The following SYT11 variants were observed in gnomAD, a reference collection of about 807,000 sequenced individuals.
The protein encoded by SYT11 is synaptotagmin 11.
SYT11 carries 12 observed loss-of-function variants against 30.4 expected under a neutral mutation model. The ratio of observed to expected loss-of-function variants is 0.39; its 90% CI spans 0.25 to 0.64. The LOEUF (loss-of-function observed/expected upper bound fraction) is 0.64. Ranked by LOEUF, SYT11 falls within the 30% of genes least tolerant of loss-of-function variation. SYT11 has a pLI of 0.45. For synonymous variants in SYT11, 204 were observed against 216.0 expected (o/e 0.94, Z 0.49); for missense variants, 412 against 552.0 (o/e 0.75, Z 2.54).
rs144956700 is a variant in SYT11 at position 155,880,481 on chromosome 1, T to G, written c.862-19T>G. On this transcript the variant is annotated intron_variant, in intron 2 of 3. Coordinates refer to ENST00000368324, the MANE Select transcript of SYT11 (RefSeq NM_152280.5). ...TGCACCCTCTGCCAGGATTCTCACC[T>G]GCCATTTTTTCCTCACAGAAGTGCA... is the stretch of plus-strand genomic sequence containing the variant. 4.6e-4 allele frequency: 739 copies of G among 1,613,030 alleles called. 2 individuals carry two copies. In the African/African-American group the frequency reaches 8.5e-3, roughly 19 times the overall value.
At chr1:155,863,942 A>G (rs1437657996) in intron 1 of SYT11, among the ~76,000 whole-genome samples, 2 of 152,060 alleles carry the variant, frequency 1.3e-5, no homozygotes, top group Non-Finnish European at 2.9e-5. Context: ...TTAACCAGGC[A>G]TGATGGCACA....
chr1:155,881,373 C>G lies in SYT11; in HGVS notation c.1161C>G (p.Thr387=), dbSNP rs377030238. 3.8e-5 allele frequency: 62 copies of G among 1,614,052 alleles called. No homozygotes were observed. In the Middle Eastern group the frequency reaches 8.2e-4, roughly 21 times the overall value. Residue 387 remains threonine (T), a synonymous_variant, in exon 4 of 4, where the codon ACC becomes ACG. Coordinates refer to ENST00000368324, the MANE Select transcript of SYT11 (RefSeq NM_152280.5). Reference sequence around the variant, plus strand: ...TCCTCGTTATCGACTTCGATCGCACCACCAAGAATGAGGTGGTGGGGAGGC... The same window carrying G: ...TCCTCGTTATCGACTTCGATCGCACGACCAAGAATGAGGTGGTGGGGAGGC... ...IEFLVIDFDR[T]TKNEVVGRLI...
rs570055725 is a variant in SYT11 at position 155,872,963 on chromosome 1, C to G, written c.861+4172C>G. ...AGGGAGAAAAAAATGAAAAGGGTAA[C>G]CAGAAGTTGTCAACTTTCCCAAAAA... is the stretch of plus-strand genomic sequence containing the variant. On this transcript the variant is annotated intron_variant, in intron 2 of 3. Coordinates refer to ENST00000368324, the MANE Select transcript of SYT11 (RefSeq NM_152280.5). Among the ~76,000 whole-genome samples the G allele has an allele frequency of 3.0e-4, 45 of 152,052 alleles. No homozygotes were observed. The Middle Eastern group carries it at 0.01, about 34-fold the overall frequency.
At chr1:155,863,508 T>C (rs924337163) in intron 1 of SYT11, among the ~76,000 whole-genome samples, 4 of 151,958 alleles carry the variant, frequency 2.6e-5, no homozygotes, top group Admixed American at 2.6e-4. Context: ...TCTTCCTTGG[T>C]TAGGCATGGT....
At position 155,881,353 on chromosome 1, in the gene SYT11, G is replaced by C. The variant is rs749783469; in HGVS notation, c.1141G>C (p.Val381Leu). The change falls in exon 4 of 4, where the codon GTT becomes CTT. Residue 381 changes from valine (V) to leucine (L), a missense_variant. Transcript: ENST00000368324. ...GCCTGATATCAGCATCGAGTTCCTC[G>C]TTATCGACTTCGATCGCACCACCAA... Reference protein sequence around the residue: ...LLPDISIEFLVIDFDRTTKNE... With the variant: ...LLPDISIEFLLIDFDRTTKNE... 8.1e-6 allele frequency: 13 copies of C among 1,614,022 alleles called. No homozygotes were observed. Among genetic ancestry groups the C allele is most frequent in the Non-Finnish European group, 1.0e-5 (12 of 1,180,036 alleles).
At chr1:155,878,012 G>A (rs183990648) in intron 2 of SYT11, among the ~76,000 whole-genome samples, 63 of 152,154 alleles carry the variant, frequency 4.1e-4, no homozygotes, top group African/African-American at 1.4e-3. Context: ...GGAGGCCAAG[G>A]TGGGCGGATT....
At chr1:155,867,912 A>G in intron 1 of SYT11, 53 bp from the exon 2 acceptor site, 3 of 1,374,616 alleles carry the variant, frequency 2.2e-6, no homozygotes, top group Non-Finnish European at 2.0e-6. Context: ...GGGGAGATCT[A>G]GACAGGAGGT....
At chr1:155,859,979 T>A (rs1265408439) in intron 1 of SYT11, among the ~76,000 whole-genome samples, 184 bp downstream of exon 1, 1 of 152,176 alleles carries the variant, frequency 6.6e-6, no homozygotes, top group Admixed American at 6.5e-5. Context: ...ACTTGAGCTA[T>A]GGGCTGCAGG....
intron 2 of SYT11, among the ~76,000 whole-genome samples, chr1:155,878,128 A>G (rs1161549640): frequency 2.0e-5 from 3 of 152,016 alleles, no homozygotes; most frequent in African/African-American, 7.2e-5. Flanking sequence ...CTGTAGTCCC[A>G]GCTACCTGGG....
rs1672528685 is a variant in SYT11 at position 155,860,096 on chromosome 1, A to G, written c.34+301A>G. Among the ~76,000 whole-genome samples, 1 of 152,216 alleles carries G rather than the reference A, an allele frequency of 6.6e-6. No homozygotes were observed. The highest frequency in any genetic ancestry group is 2.4e-5 in the African/African-American group (1 of 41,458). On this transcript the variant is annotated intron_variant, in intron 1 of 3. Transcript: ENST00000368324. This position sits in a 1 kb window ranked among gnomAD's most constrained non-coding sequence, Gnocchi z 4.1. ...GAGGTGAGAAACAGCAAGCGTGCGG[A>G]GGATGTGAACCCCTCCTTCTGGGGG...
chr1:155,861,664 G>C (rs1337697584), intron 1 of SYT11, among the ~76,000 whole-genome samples: 1 of 152,188 alleles, frequency 6.6e-6, no homozygotes, highest in Non-Finnish European at 1.5e-5. Flanking sequence ...TGTTGCCCAG[G>C]TTGGAGTGCA....
chr1:155,875,621 T>C (rs1466877236), intron 2 of SYT11, among the ~76,000 whole-genome samples: 1 of 152,160 alleles, frequency 6.6e-6, no homozygotes, highest in Non-Finnish European at 1.5e-5. Context: ...CAGGCTGGTT[T>C]TGAACTCCTG....
Position 155,881,520 on chromosome 1 carries a change from TCTC to T in SYT11, c.*16_*18del, listed in dbSNP as rs1448662347. On this transcript the variant is annotated 3_prime_UTR_variant, in exon 4 of 4. Transcript: ENST00000368324. ...TGAGCGAGTACTAATCCTGTTCTTC[TCTC>T]CTCTAATCCCCGGGGGCCAAGCTGG... 8 of 1,571,866 alleles carry T rather than the reference TCTC, an allele frequency of 5.1e-6. No homozygotes were observed. Among genetic ancestry groups the T allele is most frequent in the Non-Finnish European group, 8.7e-7 (1 of 1,154,188 alleles).
intron 2 of SYT11, among the ~76,000 whole-genome samples, chr1:155,879,219 C>G (rs1672922582): frequency 6.6e-6 from 1 of 152,070 alleles, no homozygotes; most frequent in Admixed American, 6.6e-5. Flanking sequence ...GAGTTCGAGA[C>G]CAGCCTGGCC....
chr1:155,868,873 GTGGGT>G lies in SYT11; in HGVS notation c.861+88_861+92del. 1 of 1,341,120 alleles carries G rather than the reference GTGGGT, an allele frequency of 7.5e-7. No homozygotes were observed. Among genetic ancestry groups the G allele is most frequent in the South Asian group, 1.4e-5 (1 of 71,406 alleles). 83.1% of individuals were successfully genotyped at this position (1,341,120 alleles called of 1,614,324 possible). A position where few individuals can be genotyped will look rare whatever the true frequency, so the allele number is the denominator to read the frequency against. The stretch of plus-strand genomic sequence containing the variant: ...GGGGATAAATGGAAGTGGGAGGGGA[GTGGGT>G]TGGGTGGCAAAGAAGGGCTGTAGAG... On this transcript the variant is annotated intron_variant, in intron 2 of 3. Transcript: ENST00000368324. The surrounding 1 kb of genome is among the most constrained non-coding windows in gnomAD (Gnocchi z 4.7).
chr1:155,878,530 C>T (rs80223697), intron 2 of SYT11, among the ~76,000 whole-genome samples: 1 of 152,252 alleles, frequency 6.6e-6, no homozygotes, highest in East Asian at 1.9e-4. Flanking sequence ...TGGTTTTGTA[C>T]CCCCATCAAC....
At chr1:155,875,152 C>T (rs1330308306) in intron 2 of SYT11, among the ~76,000 whole-genome samples, 1 of 136,634 alleles carries the variant, frequency 7.3e-6, no homozygotes, top group African/African-American at 2.6e-5. Flanking sequence ...ACTCGGGAGG[C>T]TGAGGCAGGA....
chr1:155,869,130 C>T (rs1216593882), intron 2 of SYT11, among the ~76,000 whole-genome samples: 1 of 152,104 alleles, frequency 6.6e-6, no homozygotes, highest in African/African-American at 2.4e-5. Flanking sequence ...ATTTCCTCTC[C>T]AAAATGATGT....
Position 155,859,720 on chromosome 1 carries a change from C to T in SYT11, c.-42C>T, listed in dbSNP as rs3820594. ...TGACCGAGGGTTCCCAGAGCTGTCT[C>T]ACCATTGCAAAAACGTTATAGCAAC... On this transcript the variant is annotated 5_prime_UTR_variant, in exon 1 of 4. Transcript: ENST00000368324. 484,857 of 1,606,072 alleles carry T rather than the reference C, an allele frequency of 0.3. 79,840 individuals carry two copies. Among genetic ancestry groups the T allele is most frequent in the East Asian group, 0.74 (33,076 of 44,826 alleles).
Sources: gnomAD v4.1 joint callset for allele counts (sites outside exome capture counted in the v4.1 genomes callset) on GRCh38, gnomAD v4.1.1 for gene constraint, Gnocchi (gnomAD v3.1) non-coding constraint, MANE v1.5 for transcripts, NCBI Gene and HGNC (gene_info 2026-07-23, HGNC 2026-07-21) for gene names.